FHAD1: variants seen among roughly 807,000 people sequenced by gnomAD.
The protein encoded by FHAD1 is forkhead-associated domain-containing protein 1.
FHAD1 carries 146 observed loss-of-function variants against 191.3 expected under a neutral mutation model. That is an observed-to-expected ratio of 0.76 (90% CI 0.67 to 0.88). The LOEUF is 0.88. Ranked by LOEUF, FHAD1 falls within the 40% of genes least tolerant of loss-of-function variation. The pLI is 0.00. For missense variants in FHAD1, 1,635 were observed against 1,785.8 expected (o/e 0.92, Z 1.52); for synonymous variants, 616 against 672.3 (o/e 0.92, Z 1.29).
chr1:15,263,623 G>A (rs908758362), intron 2 of FHAD1, among the ~76,000 whole-genome samples: 2 of 147,624 alleles, frequency 1.4e-5, no homozygotes, highest in Middle Eastern at 3.4e-3. Flanking sequence ...ACGGGTTCAT[G>A]CCATTCTCCT....
chr1:15,360,376 G>C (rs913357112), intron 21 of FHAD1, 102 bp from the exon 22 acceptor site: 7 of 1,004,492 alleles, frequency 7.0e-6, no homozygotes, highest in Non-Finnish European at 7.4e-6. Flanking sequence ...AGGCCCTGGG[G>C]TGGGGCCCAG....
intron 2 of FHAD1, among the ~76,000 whole-genome samples, chr1:15,261,286 G>A (rs970109159): frequency 9.9e-5 from 15 of 152,146 alleles, no homozygotes; most frequent in Non-Finnish European, 1.3e-4. Context: ...CACGTATGAC[G>A]GGCACAGAGG....
At chr1:15,324,270 C>T (rs1024797782) in intron 10 of FHAD1, among the ~76,000 whole-genome samples, 182 bp from the exon 11 acceptor site, 1 of 152,022 alleles carries the variant, frequency 6.6e-6, no homozygotes, top group Non-Finnish European at 1.5e-5. Context: ...CCCTTTCCCC[C>T]AACGGACAGT....
In FHAD1 at chr1:15,362,703, A is replaced by G. The variant is rs910725008; in HGVS notation, c.3024A>G (p.Lys1008=). The change falls in exon 23 of 34, where the codon AAA becomes AAG. Residue 1008 remains lysine (K), a synonymous_variant. Coordinates refer to ENST00000688493, the MANE Select transcript of FHAD1 (RefSeq NM_001391957.1). ...CTCCCATGACAGAGAGCAGTGCCAA[A>G]GACATGGCGTACGAACATCTGATGT... ...LVAPMTESSA[K]DMAYEHLIDD... The G allele has an allele frequency of 6.4e-7, 1 of 1,551,746 alleles. No individual in the cohort carries two copies. The highest frequency in any genetic ancestry group is 1.4e-5 in the African/African-American group (1 of 73,182).
intron 2 of FHAD1, among the ~76,000 whole-genome samples, chr1:15,271,461 AGAG>A (rs1262663269): frequency 6.6e-6 from 1 of 152,208 alleles, no homozygotes; most frequent in Non-Finnish European, 1.5e-5. Context: ...GTGAAATTAC[AGAG>A]GAGCTTCTGT....
chr1:15,381,990 T>C lies in FHAD1; in HGVS notation c.4023-38T>C. On this transcript the variant is annotated intron_variant, in intron 30 of 33. Coordinates refer to ENST00000688493, the MANE Select transcript of FHAD1 (RefSeq NM_001391957.1). This position sits in a 1 kb window ranked among gnomAD's most constrained non-coding sequence, Gnocchi z 4.6. ...GCACATTGATGATGATTGGGAAAGA[T>C]AAGGGAAAAACAGACGCCATCTCTC... 1 of 1,544,972 alleles carries C rather than the reference T, an allele frequency of 6.5e-7. No individual in the cohort carries two copies. The highest frequency in any genetic ancestry group is 8.8e-7 in the Non-Finnish European group (1 of 1,142,272).
At chr1:15,286,837 T>C (rs986149195) in intron 3 of FHAD1, among the ~76,000 whole-genome samples, 3 of 152,234 alleles carry the variant, frequency 2.0e-5, no homozygotes, top group Admixed American at 1.3e-4. Flanking sequence ...CATTAGCACC[T>C]GTGCAGTTAG....
At chr1:15,336,499 C>T (rs888394742) in intron 14 of FHAD1, among the ~76,000 whole-genome samples, 5 of 152,122 alleles carry the variant, frequency 3.3e-5, no homozygotes, top group African/African-American at 1.2e-4. Context: ...CTTTCCTCTC[C>T]TTCCCAGGGA....
At position 15,382,095 on chromosome 1, in the gene FHAD1, G is replaced by A. The variant is rs569326573; in HGVS notation, c.4090G>A (p.Glu1364Lys). ...AAAGCTGGAGGATGATATCTACAAA[G>A]AGGCCGAAGAGAAGGCCCTGCTGAA... ...VAKLEDDIYKEAEEKALLKEA... is the reference protein window; with the variant it reads ...VAKLEDDIYKKAEEKALLKEA... The change falls in exon 31 of 34, where the codon GAG (glutamate) becomes AAG (lysine). Residue 1364 changes from glutamate (E) to lysine (K), a missense_variant. Glu to Lys is a moderately conservative substitution (Grantham distance 56). Transcript: ENST00000688493. 6.4e-7 allele frequency: 1 copy of A among 1,552,132 alleles called. No homozygotes were observed.
chr1:15,249,419 G>T (rs947318628), intron 1 of FHAD1, among the ~76,000 whole-genome samples: 12 of 152,180 alleles, frequency 7.9e-5, no homozygotes, highest in African/African-American at 2.9e-4. Flanking sequence ...TTTGGATGTG[G>T]TGCTTGATGA....
chr1:15,261,138 CAGG>C (rs1251979951), intron 2 of FHAD1, among the ~76,000 whole-genome samples: 1 of 152,166 alleles, frequency 6.6e-6, no homozygotes, highest in Non-Finnish European at 1.5e-5. Flanking sequence ...TACTTTGTGC[CAGG>C]CACTGTTGTT....
chr1:15,320,920 A>G (rs189867251), intron 10 of FHAD1, among the ~76,000 whole-genome samples: 17 of 151,700 alleles, frequency 1.1e-4, no homozygotes, highest in Admixed American at 2.0e-4. Flanking sequence ...TTTTGAGTTG[A>G]TGGGTTTGTT....
intron 14 of FHAD1, chr1:15,335,373 A>G (rs1382421272): frequency 6.6e-6 from 1 of 152,186 alleles, no homozygotes; most frequent in Non-Finnish European, 1.5e-5. Flanking sequence ...CTTTGTTACA[A>G]ATAAAAGACT....
chr1:15,328,863 C>T (rs1004533750), intron 13 of FHAD1: 1 of 163,108 alleles, frequency 6.1e-6, no homozygotes, highest in Non-Finnish European at 1.3e-5. Context: ...AGCCCTGCGG[C>T]CCCCACCCTG....
chr1:15,265,825 G>A (rs1557951964), intron 2 of FHAD1, among the ~76,000 whole-genome samples: 1 of 151,842 alleles, frequency 6.6e-6, no homozygotes, highest in Non-Finnish European at 1.5e-5. Context: ...TACAAAATTA[G>A]CTGGATGTGG....
chr1:15,383,880 T>G (rs1701488561), intron 31 of FHAD1: 2 of 448,368 alleles, frequency 4.5e-6, no homozygotes, highest in African/African-American at 4.0e-5. Flanking sequence ...AGCTGGGACC[T>G]GACCCCAGAT....
chr1:15,285,514 CAA>C (rs997146874), intron 3 of FHAD1, among the ~76,000 whole-genome samples: 5 of 152,072 alleles, frequency 3.3e-5, no homozygotes, highest in African/African-American at 1.2e-4. Flanking sequence ...GCCTGGGTGA[CAA>C]GAGCAAAATT....
chr1:15,345,532 G>T lies in FHAD1; in HGVS notation c.2346+9G>T. The T allele has an allele frequency of 1.3e-6, 2 of 1,549,628 alleles. No individual in the cohort carries two copies. The highest frequency in any genetic ancestry group is 8.7e-7 in the Non-Finnish European group (1 of 1,145,002). On this transcript the variant is annotated intron_variant, in intron 18 of 33. Transcript: ENST00000688493. ...TGGCCCGCCAGAAGGAGGTACGCTCGGGGAGATAGAGTCGGCTGAGCCCCA... is the reference window on the plus strand; with the variant it reads ...TGGCCCGCCAGAAGGAGGTACGCTCTGGGAGATAGAGTCGGCTGAGCCCCA...
At chr1:15,281,760 C>CA (rs35950054) in intron 3 of FHAD1, among the ~76,000 whole-genome samples, 4,618 of 63,078 alleles carry the variant, frequency 0.073, 289 homozygotes, top group African/African-American at 0.16. Flanking sequence ...GACACTGTCT[C>CA]AAAAAAAAAA....
Sources: allele counts gnomAD v4.1 joint callset (sites outside exome capture counted in the v4.1 genomes callset), GRCh38; gene constraint gnomAD v4.1.1; non-coding constraint Gnocchi (gnomAD v3.1); transcripts MANE v1.5; gene names NCBI Gene and HGNC (gene_info 2026-07-23, HGNC 2026-07-21).